The following KCNMA1 variants were observed in gnomAD, a reference collection of about 807,000 sequenced individuals.
KCNMA1 encodes the protein potassium calcium-activated channel subfamily M alpha 1, also known as Calcium-activated potassium channel subunit alpha-1.
KCNMA1 carries 29 observed loss-of-function variants against 140.0 expected under a neutral mutation model. That is an observed-to-expected ratio of 0.21 (90% confidence interval 0.15 to 0.28). The LOEUF is 0.28. KCNMA1 is among the 10% of genes least tolerant of loss of function. KCNMA1 has a pLI of 1.00. For missense variants in KCNMA1, 880 were observed against 1,602.2 expected (o/e 0.55, Z 7.70); for synonymous variants, 612 against 611.9 (o/e 1.00, Z 0.00).
intron 5 of KCNMA1, among the ~76,000 whole-genome samples, chr10:77,142,087 G>T (rs1247495399): frequency 6.6e-6 from 1 of 152,158 alleles, no homozygotes; most frequent in Non-Finnish European, 1.5e-5. Flanking sequence ...CCCTAAGTAG[G>T]CCGGGCGCAG....
chr10:77,616,673 G>T (rs1170745269), intron 1 of KCNMA1, among the ~76,000 whole-genome samples: 1 of 152,108 alleles, frequency 6.6e-6, no homozygotes, highest in Non-Finnish European at 1.5e-5. Flanking sequence ...GGACATGGTG[G>T]TGCGCACCTG....
chr10:76,934,521 C>T (rs1332702665), intron 23 of KCNMA1, among the ~76,000 whole-genome samples: 1 of 152,142 alleles, frequency 6.6e-6, no homozygotes, highest in African/African-American at 2.4e-5. Flanking sequence ...TGTTCCAAGC[C>T]CTGTATCCTT....
At chr10:77,352,745 G>T (rs1400602124) in intron 2 of KCNMA1, among the ~76,000 whole-genome samples, 1 of 152,146 alleles carries the variant, frequency 6.6e-6, no homozygotes, top group Admixed American at 6.5e-5. Context: ...AAAGTGACTG[G>T]AAGTTTTAAG....
intron 19 of KCNMA1, among the ~76,000 whole-genome samples, chr10:76,973,429 T>A (rs2076641218): frequency 6.6e-6 from 1 of 152,242 alleles, no homozygotes; most frequent in Non-Finnish European, 1.5e-5. Flanking sequence ...GAAGACTCAG[T>A]GCTAGAAAAA....
intron 1 of KCNMA1, among the ~76,000 whole-genome samples, chr10:77,527,451 G>C (rs1171587526): frequency 1.3e-5 from 2 of 152,220 alleles, no homozygotes; most frequent in African/African-American, 4.8e-5. Context: ...GTCACAGGGG[G>C]AGAGGGGAAG....
intron 23 of KCNMA1, among the ~76,000 whole-genome samples, chr10:76,938,036 C>A (rs1012873707): frequency 6.6e-6 from 1 of 151,972 alleles, no homozygotes; most frequent in African/African-American, 2.4e-5. Context: ...CTGGGACATT[C>A]GGGACAGGCT....
intron 1 of KCNMA1, among the ~76,000 whole-genome samples, chr10:77,470,069 G>A (rs1043671844): frequency 3.3e-5 from 5 of 152,196 alleles, no homozygotes; most frequent in East Asian, 3.9e-4. Context: ...GGTCGGATGC[G>A]TCCGGCTGCC....
chr10:77,038,059 G>T (rs373553721), intron 15 of KCNMA1, among the ~76,000 whole-genome samples: 13 of 152,196 alleles, frequency 8.5e-5, no homozygotes, highest in African/African-American at 2.9e-4. Flanking sequence ...TAAAACTTTC[G>T]CTTAGAGACA....
intron 1 of KCNMA1, among the ~76,000 whole-genome samples, chr10:77,626,471 A>T (rs1330101283): frequency 2.6e-5 from 4 of 152,218 alleles, no homozygotes; most frequent in African/African-American, 9.6e-5. Flanking sequence ...AAAAATCCCT[A>T]GCACTTGGGT....
chr10:77,410,762 C>T (rs188602107), intron 1 of KCNMA1, among the ~76,000 whole-genome samples: 96 of 152,308 alleles, frequency 6.3e-4, no homozygotes, highest in Non-Finnish European at 1.0e-3. Flanking sequence ...GACCCAGTCC[C>T]GTCTCGGGGC....
chr10:77,334,184 C>A (rs1209125388), intron 2 of KCNMA1, among the ~76,000 whole-genome samples: 5 of 152,108 alleles, frequency 3.3e-5, no homozygotes, highest in Admixed American at 6.5e-5. Context: ...GTCCAAAGGG[C>A]ATGGATTTTT....
chr10:77,166,085 C>T (rs1242697623), intron 5 of KCNMA1, among the ~76,000 whole-genome samples: 4 of 152,160 alleles, frequency 2.6e-5, no homozygotes, highest in Admixed American at 6.5e-5. Context: ...TATAGGTCCC[C>T]TTTGTTCCCA....
chr10:77,525,783 C>A (rs1603632829), intron 1 of KCNMA1, among the ~76,000 whole-genome samples: 1 of 152,348 alleles, frequency 6.6e-6, no homozygotes, highest in Middle Eastern at 3.4e-3. Context: ...TCACCCTCCT[C>A]CTCGTTACTA....
At chr10:77,452,820 T>G (rs1224597043) in intron 1 of KCNMA1, among the ~76,000 whole-genome samples, 2 of 152,228 alleles carry the variant, frequency 1.3e-5, no homozygotes, top group Non-Finnish European at 2.9e-5. Flanking sequence ...TCTGATTCTT[T>G]GTTTTTGTTT....
chr10:77,473,058 T>C (rs1261180333), intron 1 of KCNMA1, among the ~76,000 whole-genome samples: 1 of 152,210 alleles, frequency 6.6e-6, no homozygotes, highest in East Asian at 1.9e-4. Flanking sequence ...CTGGGTCACC[T>C]CATGGCCTGG....
In KCNMA1 at chr10:77,494,198, C is replaced by G. The variant is rs539350701; in HGVS notation, c.379-90175G>C. Among the ~76,000 whole-genome samples the G allele has an allele frequency of 6.6e-5, 10 of 152,338 alleles. No individual in the cohort carries two copies. The South Asian group carries it at 2.1e-3, about 32-fold the overall frequency. On this transcript the variant is annotated intron_variant, in intron 1 of 27. Transcript: ENST00000286628. ...AATGCCAAAGAAACTCACCACGTTG[C>G]CTTTGACTTTGAAAAGTGATCTGTG...
At chr10:77,603,834 G>A (rs777876804) in intron 1 of KCNMA1, among the ~76,000 whole-genome samples, 28 of 152,314 alleles carry the variant, frequency 1.8e-4, no homozygotes, top group Middle Eastern at 3.4e-3. Flanking sequence ...GCAGACACTG[G>A]CATTGGGCTG....
At chr10:76,987,894 T>C (rs1249139393) in intron 19 of KCNMA1, among the ~76,000 whole-genome samples, 1 of 152,128 alleles carries the variant, frequency 6.6e-6, no homozygotes, top group Non-Finnish European at 1.5e-5. Context: ...CTCTTTAAAA[T>C]GGGATAACAT....
chr10:77,257,990 T>C (rs1473280201), intron 2 of KCNMA1, among the ~76,000 whole-genome samples: 1 of 152,188 alleles, frequency 6.6e-6, no homozygotes, highest in Non-Finnish European at 1.5e-5. Flanking sequence ...GGATGAGTGA[T>C]GTGGAGAAGG....
Sources: gnomAD v4.1 joint callset for allele counts (sites outside exome capture counted in the v4.1 genomes callset) on GRCh38, gnomAD v4.1.1 for gene constraint, MANE v1.5 for transcripts, NCBI Gene and HGNC (gene_info 2026-07-23, HGNC 2026-07-21) for gene names.